The following UBASH3B variants were observed in gnomAD, a reference collection of about 807,000 sequenced individuals.
UBASH3B encodes ubiquitin-associated and SH3 domain-containing protein B.
In UBASH3B, 37 loss-of-function variants were observed where a neutral mutation model predicts 83.4. The ratio of observed to expected loss-of-function variants is 0.44; its 90% CI spans 0.34 to 0.58. UBASH3B has a LOEUF of 0.58. Among genes scored for constraint, UBASH3B ranks in the 20% least tolerant of loss-of-function variants. The probability of loss-of-function intolerance (pLI) is 0.01; values close to 1 mark genes in which losing one functional copy is unlikely to be tolerated. For missense variants in UBASH3B, 657 were observed against 827.2 expected, an observed-to-expected ratio of 0.79 and a Z score of 2.52; for synonymous variants, 304 against 318.3, an observed-to-expected ratio of 0.96 and a Z score of 0.48.
intron 1 of UBASH3B, among the ~76,000 whole-genome samples, chr11:122,656,593 G>T (rs986204558): frequency 1.3e-5 from 2 of 152,174 alleles, no homozygotes; most frequent in Non-Finnish European, 2.9e-5. Flanking sequence ...GAGGACTCGG[G>T]CACCCTCTCC....
intron 4 of UBASH3B, 134 bp downstream of exon 4, chr11:122,779,829 C>CA (rs368722790): frequency 2.4e-5 from 25 of 1,049,084 alleles, no homozygotes; most frequent in African/African-American, 6.4e-5. Flanking sequence ...GGACGTGTGA[C>CA]AAAAAAACAG....
intron 1 of UBASH3B, among the ~76,000 whole-genome samples, chr11:122,681,539 C>T (rs1863739321): frequency 6.6e-6 from 1 of 152,196 alleles, no homozygotes; most frequent in South Asian, 2.1e-4. Context: ...CATGGATAAG[C>T]TTCCCTCCAA....
intron 1 of UBASH3B, among the ~76,000 whole-genome samples, chr11:122,708,018 C>T (rs1353075144): frequency 6.6e-6 from 1 of 152,038 alleles, no homozygotes; most frequent in Non-Finnish European, 1.5e-5. Context: ...TTTATGATGC[C>T]TGAATACTAC....
intron 1 of UBASH3B, among the ~76,000 whole-genome samples, chr11:122,745,501 G>A (rs757232267): frequency 1.3e-5 from 2 of 152,238 alleles, no homozygotes; most frequent in Non-Finnish European, 2.9e-5. Context: ...AATCTTGGAT[G>A]AAAGAATGGA....
intron 1 of UBASH3B, among the ~76,000 whole-genome samples, chr11:122,678,215 G>T (rs1863692388): frequency 6.6e-6 from 1 of 152,174 alleles, no homozygotes; most frequent in Admixed American, 6.5e-5. Context: ...AAACAATTCA[G>T]TTCAGTTCAT....
intron 1 of UBASH3B, among the ~76,000 whole-genome samples, chr11:122,687,347 C>T (rs1340543583): frequency 6.6e-6 from 1 of 152,078 alleles, no homozygotes; most frequent in Non-Finnish European, 1.5e-5. Context: ...GGCAACTTGC[C>T]TGATTCTTAT....
intron 1 of UBASH3B, among the ~76,000 whole-genome samples, chr11:122,772,273 A>G (rs1280155204): frequency 6.6e-6 from 1 of 152,090 alleles, no homozygotes; most frequent in East Asian, 1.9e-4. Context: ...GGCATATTGC[A>G]TTGTAAGAAG....
intron 1 of UBASH3B, among the ~76,000 whole-genome samples, chr11:122,757,775 G>T (rs1223290212): frequency 7.1e-6 from 1 of 141,408 alleles, no homozygotes. Flanking sequence ...GTGCAGTGGT[G>T]CAATCTCGGC....
rs1452522216 is a variant in UBASH3B at position 122,656,123 on chromosome 11, G to C, written c.74G>C (p.Arg25Pro). The C allele has an allele frequency of 2.5e-6, 4 of 1,598,386 alleles. No individual in the cohort carries two copies. Among genetic ancestry groups the C allele is most frequent in the Admixed American group, 1.7e-5 (1 of 58,732 alleles). ...REELYSKVTPRRNRQQRPGTI... is the reference protein window; with the variant it reads ...REELYSKVTPPRNRQQRPGTI... ...GAGCTGTACAGCAAAGTCACCCCCCGGAGGAACCGCCAACAGCGCCCCGGC... is the reference window on the plus strand; with the variant it reads ...GAGCTGTACAGCAAAGTCACCCCCCCGAGGAACCGCCAACAGCGCCCCGGC... Residue 25 changes from arginine (R) to proline (P), a missense_variant, in exon 1 of 14, where the codon CGG (arginine) becomes CCG (proline). Physicochemically the swap from Arg to Pro is moderately radical, Grantham distance 103. This residue lies in a region of UBASH3B where 78 missense variants were observed against 68.4 expected (regional missense o/e 1.14). Coordinates refer to ENST00000284273, the MANE Select transcript of UBASH3B (RefSeq NM_032873.5).
At chr11:122,665,057 C>T (rs1863497868) in intron 1 of UBASH3B, among the ~76,000 whole-genome samples, 1 of 152,156 alleles carries the variant, frequency 6.6e-6, no homozygotes, top group Non-Finnish European at 1.5e-5. Flanking sequence ...TACAGGCGCC[C>T]GCCAATACCA....
intron 7 of UBASH3B, among the ~76,000 whole-genome samples, chr11:122,795,452 A>G (rs1376050979): frequency 6.6e-6 from 1 of 152,212 alleles, no homozygotes; most frequent in East Asian, 1.9e-4. Context: ...GGCCCGCGCT[A>G]AGGAAACTGG....
intron 1 of UBASH3B, among the ~76,000 whole-genome samples, chr11:122,733,760 A>T (rs1459306220): frequency 6.6e-6 from 1 of 152,236 alleles, no homozygotes; most frequent in African/African-American, 2.4e-5. Context: ...AACTCAGAAG[A>T]AGTAATGTCT....
rs9988852 is a variant in UBASH3B, at chr11:122,794,938, C to T, written c.1113+104C>T. 0.026 allele frequency: 38,537 copies of T among 1,507,372 alleles called. 3,081 individuals are homozygous for T. In the East Asian group the frequency reaches 0.27, roughly 11 times the overall value. 93.4% of individuals were successfully genotyped at this position (1,507,372 alleles called of 1,614,324 possible). On this transcript the variant is annotated intron_variant, in intron 7 of 13. Coordinates refer to ENST00000284273, the MANE Select transcript of UBASH3B (RefSeq NM_032873.5). ...GCCCTTGCTGTCTCCAAAGCTTCCA[C>T]GATCTCTTGGGAAGAAAGTACACCA...
chr11:122,701,078 C>A (rs1223660672), intron 1 of UBASH3B, among the ~76,000 whole-genome samples: 1 of 152,162 alleles, frequency 6.6e-6, no homozygotes, highest in African/African-American at 2.4e-5. Context: ...GCATTCTGAC[C>A]CTGTCAAGCC....
At chr11:122,701,799 C>A (rs1403678149) in intron 1 of UBASH3B, among the ~76,000 whole-genome samples, 1 of 152,162 alleles carries the variant, frequency 6.6e-6, no homozygotes, top group African/African-American at 2.4e-5. Context: ...CTTTTCTGAA[C>A]TCTGAGTGAA....
At chr11:122,773,727 A>T (rs1565559613) in intron 1 of UBASH3B, among the ~76,000 whole-genome samples, 1 of 151,840 alleles carries the variant, frequency 6.6e-6, no homozygotes, top group African/African-American at 2.4e-5. Context: ...ATCTTTTTCA[A>T]TTTTTTCTTT....
At chr11:122,741,551 C>T (rs1489162608) in intron 1 of UBASH3B, among the ~76,000 whole-genome samples, 1 of 152,138 alleles carries the variant, frequency 6.6e-6, no homozygotes, top group Non-Finnish European at 1.5e-5. Context: ...AGAGGAACTG[C>T]GTGAGTGATC....
rs910846577 is a variant in UBASH3B, at chr11:122,788,985, G to C, written c.772-115G>C. ...GGCCTGCAGACCCCAAGGGCTCCTG[G>C]GCACATCGCCCTCTGGAGGTGTGCA... is the stretch of plus-strand genomic sequence containing the variant. On this transcript the variant is annotated intron_variant, in intron 5 of 13. Transcript: ENST00000284273. 6.3e-6 allele frequency: 6 copies of C among 954,172 alleles called. No individual in the cohort carries two copies. The South Asian group carries it at 7.6e-5, about 12-fold the overall frequency. The allele number at this position is 954,172 out of a possible 1,614,324, so 59.1% of individuals were successfully genotyped here.
intron 1 of UBASH3B, among the ~76,000 whole-genome samples, chr11:122,719,250 A>G (rs1860582348): frequency 6.6e-6 from 1 of 152,162 alleles, no homozygotes; most frequent in Non-Finnish European, 1.5e-5. Flanking sequence ...CTAAGCTTCA[A>G]TTTCCTCATC....
Sources: allele counts gnomAD v4.1 joint callset (sites outside exome capture counted in the v4.1 genomes callset), GRCh38; gene constraint gnomAD v4.1.1; regional missense constraint gnomAD v4.1.1; transcripts MANE v1.5; gene names NCBI Gene and HGNC (gene_info 2026-07-23, HGNC 2026-07-21).